RGPD5: variants seen among roughly 807,000 people sequenced by gnomAD.
RGPD5 encodes RANBP2-like and GRIP domain-containing protein 5/6.
At chr2:109,765,943 G>T in the RGPD5 span, among the ~76,000 whole-genome samples, 2 of 150,350 alleles carry the variant, frequency 1.3e-5, no homozygotes, top group African/African-American at 4.9e-5. Flanking sequence ...CTTTCCTCCA[G>T]CTGCAGTAAA....
chr2:109,763,556 C>T, the RGPD5 span, among the ~76,000 whole-genome samples: 2 of 149,588 alleles, frequency 1.3e-5, no homozygotes, highest in Admixed American at 6.9e-5. Flanking sequence ...AGTTAAGGTC[C>T]TACTAAAATA....
At chr2:109,768,585 GT>G in the RGPD5 span, among the ~76,000 whole-genome samples, 1 of 136,860 alleles carries the variant, frequency 7.3e-6, no homozygotes, top group Non-Finnish European at 1.6e-5. Context: ...CCAAGTATTA[GT>G]TTTGGTCCAC....
chr2:109,767,360 C>T, the RGPD5 span, among the ~76,000 whole-genome samples: 1 of 147,942 alleles, frequency 6.8e-6, no homozygotes, highest in Non-Finnish European at 1.5e-5. Flanking sequence ...CAAATATGCT[C>T]TTACTTACGG....
the RGPD5 span, among the ~76,000 whole-genome samples, chr2:109,764,485 C>T: frequency 6.7e-6 from 1 of 149,298 alleles, no homozygotes; most frequent in African/African-American, 2.5e-5. Context: ...AAGTAGAAGA[C>T]CTTGTGCTGG....
the RGPD5 span, among the ~76,000 whole-genome samples, chr2:109,772,628 GCTTT>G: frequency 1.8e-5 from 2 of 114,160 alleles, no homozygotes; most frequent in African/African-American, 3.6e-5. Flanking sequence ...GCCTTGCATG[GCTTT>G]CTAAGGAGCT....
the RGPD5 span, among the ~76,000 whole-genome samples, chr2:109,764,481 AAG>A: frequency 6.7e-6 from 1 of 149,452 alleles, no homozygotes; most frequent in Admixed American, 6.9e-5. Context: ...TCTTAAGTAG[AAG>A]ACCTTGTGCT....
At chr2:109,761,280 TCCACCGAG>T in the RGPD5 span, among the ~76,000 whole-genome samples, 2 of 144,946 alleles carry the variant, frequency 1.4e-5, no homozygotes, top group Non-Finnish European at 3.1e-5. Flanking sequence ...CCCACCCACT[TCCACCGAG>T]ATGGAAAAGT....
chr2:109,799,202 G>A (rs1306842200), intron 1 of RGPD5, among the ~76,000 whole-genome samples: 2 of 95,422 alleles, frequency 2.1e-5, no homozygotes, highest in African/African-American at 5.0e-5. Context: ...TCGAGCCACC[G>A]CACTCCAGCC....
the RGPD5 span, among the ~76,000 whole-genome samples, chr2:109,766,029 A>G: frequency 6.7e-6 from 1 of 150,226 alleles, no homozygotes; most frequent in South Asian, 2.2e-4. Flanking sequence ...GAAAGGGCAG[A>G]AGGAGAGTGC....
At chr2:109,773,151 T>C in the RGPD5 span, among the ~76,000 whole-genome samples, 1 of 152,116 alleles carries the variant, frequency 6.6e-6, no homozygotes, top group African/African-American at 2.4e-5. Flanking sequence ...GCCTTGAGAT[T>C]GGACAAGATT....
the RGPD5 span, among the ~76,000 whole-genome samples, chr2:109,764,275 T>G: frequency 6.8e-6 from 1 of 147,936 alleles, no homozygotes; most frequent in Non-Finnish European, 1.5e-5. Flanking sequence ...TTCCGTGAGT[T>G]TACAGGGGCA....
chr2:109,762,533 C>T, the RGPD5 span, among the ~76,000 whole-genome samples: 2 of 132,452 alleles, frequency 1.5e-5, no homozygotes, highest in African/African-American at 5.6e-5. Context: ...AGATTATCAG[C>T]GTAATTTGTG....
At chr2:109,762,982 G>A in the RGPD5 span, among the ~76,000 whole-genome samples, 1 of 145,094 alleles carries the variant, frequency 6.9e-6, no homozygotes, top group Non-Finnish European at 1.5e-5. Context: ...TATGGTTTAC[G>A]TAAATTTTTA....
the RGPD5 span, among the ~76,000 whole-genome samples, chr2:109,774,505 T>TATATATATTATATATAAA: frequency 6.2e-5 from 2 of 32,092 alleles, 1 homozygote; most frequent in Non-Finnish European, 9.1e-5. Flanking sequence ...CAAACATATA[T>TATATATATTATATATAAA]ATATATATAA....
the RGPD5 span, among the ~76,000 whole-genome samples, chr2:109,766,659 T>C: frequency 6.7e-6 from 1 of 148,972 alleles, no homozygotes; most frequent in African/African-American, 2.5e-5. Context: ...CAATGACACT[T>C]GAGCAACTTG....
the RGPD5 span, among the ~76,000 whole-genome samples, chr2:109,778,327 C>G: frequency 7.0e-6 from 1 of 142,784 alleles, no homozygotes; most frequent in Non-Finnish European, 1.5e-5. Flanking sequence ...TTGCCTAACT[C>G]TAAGGGCTGT....
intron 1 of RGPD5, 71 bp downstream of exon 1, chr2:109,794,608 C>CGGCGGCCGCCG: frequency 5.4e-6 from 1 of 186,094 alleles, no homozygotes; most frequent in South Asian, 2.7e-4. Flanking sequence ...GCGGCGGCGG[C>CGGCGGCCGCCG]GGGGGGGGCG....
At chr2:109,760,956 T>C in the RGPD5 span, among the ~76,000 whole-genome samples, 30,197 of 96,740 alleles carry the variant, frequency 0.31, 6,130 homozygotes, top group African/African-American at 0.5. Flanking sequence ...GCCGCCTGCC[T>C]GTCTGTTTCC....
chr2:109,763,149 G>A, the RGPD5 span, among the ~76,000 whole-genome samples: 2 of 149,818 alleles, frequency 1.3e-5, no homozygotes, highest in African/African-American at 4.9e-5. Context: ...TTATAGATGA[G>A]GAAATAGAAG....
Sources: gnomAD v4.1 joint callset for allele counts (sites outside exome capture counted in the v4.1 genomes callset) on GRCh38, gnomAD v4.1.1 for gene constraint, MANE v1.5 for transcripts, NCBI Gene and HGNC (gene_info 2026-07-23, HGNC 2026-07-21) for gene names.